Variants in IFT46 observed in about 807,000 individuals in gnomAD.
IFT46 encodes intraflagellar transport 46.
A neutral mutation model predicts 39.6 loss-of-function variants in IFT46; 19 were observed. The ratio of observed to expected loss-of-function variants is 0.48; its 90% CI spans 0.33 to 0.70. The LOEUF (loss-of-function observed/expected upper bound fraction) is 0.70. Among genes scored for constraint, IFT46 ranks in the 30% least tolerant of loss-of-function variants. The pLI is 0.01. For missense variants in IFT46, 334 were observed against 364.8 expected (o/e 0.92, Z 0.69); for synonymous variants, 117 against 134.8 (o/e 0.87, Z 0.91).
At chr11:118,554,090 GC>G (rs1250066860) in intron 7 of IFT46, among the ~76,000 whole-genome samples, 1 of 140,720 alleles carries the variant, frequency 7.1e-6, no homozygotes, top group Non-Finnish European at 1.5e-5. Flanking sequence ...TAGCTCTGTT[GC>G]CCAGGCTGGA....
intron 7 of IFT46, among the ~76,000 whole-genome samples, chr11:118,554,008 A>G (rs1937740878): frequency 6.6e-6 from 1 of 152,014 alleles, no homozygotes; most frequent in Non-Finnish European, 1.5e-5. Flanking sequence ...ATATAAATAA[A>G]GCTGTCATTT....
intron 9 of IFT46, among the ~76,000 whole-genome samples, chr11:118,551,037 A>G (rs949319295): frequency 8.2e-4 from 124 of 151,442 alleles, no homozygotes; most frequent in African/African-American, 2.9e-3. Flanking sequence ...TCAAAAAAAA[A>G]AAAAAAAAAC....
chr11:118,567,125 G>T (rs1938243899), upstream of IFT46, among the ~76,000 whole-genome samples: 1 of 151,932 alleles, frequency 6.6e-6, no homozygotes, highest in African/African-American at 2.4e-5. Context: ...GTGGTGGCAC[G>T]CACCTATAGT....
At chr11:118,574,858 C>G, upstream of IFT46, among the ~76,000 whole-genome samples, 1 of 152,140 alleles carries the variant, frequency 6.6e-6, no homozygotes, top group East Asian at 1.9e-4. Flanking sequence ...CCTAGAACTC[C>G]TAGCCTCAAG....
chr11:118,559,363 T>C (rs114179657), intron 3 of IFT46, among the ~76,000 whole-genome samples: 1,928 of 152,226 alleles, frequency 0.013, 34 homozygotes, highest in African/African-American at 0.04. Flanking sequence ...ATCACAAGTA[T>C]TGACAATGAA....
At chr11:118,555,532 G>A (rs1324708631) in intron 4 of IFT46, 2 of 472,700 alleles carry the variant, frequency 4.2e-6, no homozygotes, top group Non-Finnish European at 3.7e-6. Context: ...GGACAGAGGT[G>A]CAGAAAATCC....
upstream of IFT46, among the ~76,000 whole-genome samples, chr11:118,573,171 A>C (rs924703861): frequency 6.6e-6 from 1 of 152,168 alleles, no homozygotes; most frequent in African/African-American, 2.4e-5. Context: ...ACTTGTGTCC[A>C]TTTGTTAGTG....
Position 118,557,057 on chromosome 11 carries a change from C to A in IFT46, c.46-12G>T. ...GTCTTCTTCTTCTCCTGTGATAGGG[C>A]AGGGCAGGCATAGAAAGCTTCAAGT... On this transcript the variant is annotated splice_polypyrimidine_tract_variant and intron_variant, in intron 3 of 11. Transcript: ENST00000264021. The A allele has an allele frequency of 6.3e-7, 1 of 1,584,236 alleles. No homozygotes were observed.
At position 118,565,020 on chromosome 11, in the gene IFT46, C is replaced by T. The variant is rs1479529286; in HGVS notation, c.-91G>A. The T allele has an allele frequency of 6.6e-6, 1 of 152,448 alleles. No individual in the cohort carries two copies. Among genetic ancestry groups the T allele is most frequent in the Non-Finnish European group, 1.5e-5 (1 of 68,020 alleles). 9.4% of individuals were successfully genotyped at this position (152,448 alleles called of 1,614,324 possible). On this transcript the variant is annotated 5_prime_UTR_variant, in exon 2 of 12. Coordinates refer to ENST00000264021, the MANE Select transcript of IFT46 (RefSeq NM_001168618.2). ...TTGCAACCTCTTCGGAGTCGTTAAT[C>T]TCTAGACGCTCATCATATGTCTGGT... is the stretch of plus-strand genomic sequence containing the variant.
upstream of IFT46, among the ~76,000 whole-genome samples, chr11:118,569,607 C>G (rs782426669): frequency 1.3e-4 from 20 of 152,198 alleles, no homozygotes; most frequent in Non-Finnish European, 2.8e-4. Flanking sequence ...AGGGTATAGT[C>G]CAAAGTTGAA....
chr11:118,545,257 C>G, intron 11 of IFT46, 152 bp downstream of exon 11: 1 of 745,356 alleles, frequency 1.3e-6, no homozygotes, highest in South Asian at 1.7e-5. Context: ...TCCATCCCTG[C>G]CTCCTTTGCT....
At chr11:118,572,422 G>A in intron 1 of IFT46, 1 of 910,352 alleles carries the variant, frequency 1.1e-6, no homozygotes, top group South Asian at 2.2e-5. Flanking sequence ...TTGGCAAGAG[G>A]CGAAGCGGCA....
upstream of IFT46, among the ~76,000 whole-genome samples, chr11:118,568,463 A>C (rs1323435250): frequency 6.6e-6 from 1 of 152,078 alleles, no homozygotes; most frequent in African/African-American, 2.4e-5. Context: ...GAGACAGGAG[A>C]ATCGCTTGAA....
At chr11:118,554,629 C>A in intron 6 of IFT46, 42 bp from the exon 7 acceptor site, 2 of 1,559,106 alleles carry the variant, frequency 1.3e-6, no homozygotes, top group East Asian at 2.2e-5. Flanking sequence ...GAAAATGTTT[C>A]CAATAAGTTA....
rs567412048 is a variant in IFT46 at position 118,555,914 on chromosome 11, C to T, written c.186-592G>A. Among the ~76,000 whole-genome samples the T allele has an allele frequency of 7.2e-4, 108 of 149,518 alleles. 1 individual carries two copies. In the South Asian group the frequency reaches 0.023, roughly 31 times the overall value. On this transcript the variant is annotated intron_variant, in intron 4 of 11. Transcript: ENST00000264021. ...CTCCAGCCTGGGTGACAAAGCAAGACTCTGTCTCAAAAAAAAAAAGAGATT... is the reference window on the plus strand; with the variant it reads ...CTCCAGCCTGGGTGACAAAGCAAGATTCTGTCTCAAAAAAAAAAAGAGATT...
upstream of IFT46, among the ~76,000 whole-genome samples, chr11:118,576,432 A>AC (rs1266381744): frequency 2.1e-5 from 3 of 141,502 alleles, no homozygotes; most frequent in African/African-American, 8.0e-5. Flanking sequence ...ATGTTAAAAA[A>AC]AAAAAAAAAA....
At position 118,553,153 on chromosome 11, in the gene IFT46, C is replaced by T. The variant is rs549476142; in HGVS notation, c.484-818G>A. 1.2e-3 allele frequency among the ~76,000 whole-genome samples: 176 copies of T among 151,194 alleles called. 1 individual carries two copies. Among genetic ancestry groups the T allele is most frequent in the Admixed American group, 0.011 (174 of 15,162 alleles). On this transcript the variant is annotated intron_variant, in intron 7 of 11. Transcript: ENST00000264021. The stretch of plus-strand genomic sequence containing the variant: ...TGGCAGGACTGACCATAATGAAATA[C>T]CATTTAGGCTGGGCTTGGTGGCTCA...
upstream of IFT46, among the ~76,000 whole-genome samples, chr11:118,569,187 G>A (rs773599779): frequency 6.6e-6 from 1 of 151,776 alleles, no homozygotes; most frequent in African/African-American, 2.4e-5. Context: ...GCTAAGTCAG[G>A]AGAATCCCTC....
At chr11:118,562,094 G>T (rs1938076463) in intron 2 of IFT46, among the ~76,000 whole-genome samples, 1 of 152,102 alleles carries the variant, frequency 6.6e-6, no homozygotes, top group Non-Finnish European at 1.5e-5. Context: ...GGCCAACATG[G>T]TGAAACCCCG....
Sources: gnomAD v4.1 joint callset for allele counts (sites outside exome capture counted in the v4.1 genomes callset) on GRCh38, gnomAD v4.1.1 for gene constraint, MANE v1.5 for transcripts, NCBI Gene and HGNC (gene_info 2026-07-23, HGNC 2026-07-21) for gene names.